The following CDK17 variants were observed in gnomAD, a reference collection of about 807,000 sequenced individuals.
CDK17 encodes the protein cyclin-dependent kinase 17.
CDK17 carries 24 observed loss-of-function variants against 77.6 expected under a neutral mutation model. The ratio of observed to expected loss-of-function variants is 0.31; its 90% CI spans 0.22 to 0.44. CDK17 has a LOEUF of 0.44. Ranked by LOEUF, CDK17 falls within the 20% of genes least tolerant of loss-of-function variation. The pLI is 1.00. For missense variants in CDK17, 429 were observed against 622.5 expected, an observed-to-expected ratio of 0.69 and a Z score of 3.31; for synonymous variants, 203 against 210.4, an observed-to-expected ratio of 0.96 and a Z score of 0.30.
At chr12:96,350,950 C>T (rs1422014354) in intron 1 of CDK17, among the ~76,000 whole-genome samples, 2 of 151,998 alleles carry the variant, frequency 1.3e-5, no homozygotes, top group Admixed American at 6.6e-5. Context: ...ATATATCTGA[C>T]AAGAGTTTAA....
chr12:96,328,897 G>C (rs1490057689), intron 2 of CDK17, among the ~76,000 whole-genome samples: 17 of 151,928 alleles, frequency 1.1e-4, no homozygotes, highest in Admixed American at 1.1e-3. Context: ...GCCCATGAGA[G>C]AGCCACAATA....
chr12:96,375,013 A>G (rs932977264), intron 1 of CDK17, among the ~76,000 whole-genome samples: 5 of 152,334 alleles, frequency 3.3e-5, no homozygotes, highest in Middle Eastern at 6.8e-3. Context: ...ACACTGGCCA[A>G]TAATCTTACT....
At chr12:96,293,577 T>G (rs1952357701) in intron 10 of CDK17, among the ~76,000 whole-genome samples, 1 of 152,334 alleles carries the variant, frequency 6.6e-6, no homozygotes, top group East Asian at 1.9e-4. Context: ...ACATCAGAAC[T>G]AGAAAGTAAG....
intron 1 of CDK17, among the ~76,000 whole-genome samples, chr12:96,362,992 C>A (rs547469511): frequency 6.6e-6 from 1 of 152,150 alleles, no homozygotes; most frequent in African/African-American, 2.4e-5. Context: ...AGACCTCACA[C>A]ATTTATTAAG....
chr12:96,302,500 T>C (rs1035634105), intron 5 of CDK17, among the ~76,000 whole-genome samples: 1 of 152,090 alleles, frequency 6.6e-6, no homozygotes, highest in African/African-American at 2.4e-5. Flanking sequence ...AAGTTTTGTG[T>C]CATCTTTTAT....
At chr12:96,332,095 T>C (rs1185826209) in intron 2 of CDK17, among the ~76,000 whole-genome samples, 1 of 152,162 alleles carries the variant, frequency 6.6e-6, no homozygotes, top group Non-Finnish European at 1.5e-5. Context: ...TACACTTAGA[T>C]ACACAAACAA....
chr12:96,328,153 T>C (rs959743555), intron 2 of CDK17, among the ~76,000 whole-genome samples: 4 of 152,114 alleles, frequency 2.6e-5, no homozygotes, highest in African/African-American at 4.8e-5. Context: ...TGTTGTGAAC[T>C]GTGCATGCGA....
At chr12:96,319,892 G>C (rs1952791446) in intron 3 of CDK17, among the ~76,000 whole-genome samples, 1 of 146,240 alleles carries the variant, frequency 6.8e-6, no homozygotes, top group Non-Finnish European at 1.5e-5. Context: ...ACTGGCACAA[G>C]ACAGGGATGC....
intron 1 of CDK17, 123 bp from the exon 2 acceptor site, chr12:96,334,988 A>G (rs755685586): frequency 2.9e-6 from 2 of 686,810 alleles, no homozygotes; most frequent in South Asian, 1.6e-5. Context: ...CACTTCTGCC[A>G]AACATCACCA....
intron 1 of CDK17, among the ~76,000 whole-genome samples, chr12:96,373,371 T>C (rs2137212027): frequency 6.6e-6 from 1 of 152,130 alleles, no homozygotes; most frequent in African/African-American, 2.4e-5. Flanking sequence ...GGCAGGCGGA[T>C]AACCTGAGGT....
chr12:96,397,854 A>G (rs985633165), intron 1 of CDK17, among the ~76,000 whole-genome samples: 4 of 152,174 alleles, frequency 2.6e-5, no homozygotes, highest in African/African-American at 9.7e-5. Flanking sequence ...AGTCTCTAAA[A>G]TGTTTTAAGT....
intron 1 of CDK17, among the ~76,000 whole-genome samples, chr12:96,343,095 T>C (rs1899044): frequency 0.22 from 32,959 of 152,170 alleles, 4,453 homozygotes; most frequent in Middle Eastern, 0.32. Flanking sequence ...AAAAATACCA[T>C]AAGAAAGACA....
At chr12:96,391,856 C>T (rs975712502) in intron 1 of CDK17, among the ~76,000 whole-genome samples, 1 of 152,166 alleles carries the variant, frequency 6.6e-6, no homozygotes, top group African/African-American at 2.4e-5. Flanking sequence ...ATTGCTCTCA[C>T]ACAAATACCA....
chr12:96,289,639 T>C (rs1406269905), intron 10 of CDK17, among the ~76,000 whole-genome samples: 2 of 152,340 alleles, frequency 1.3e-5, no homozygotes, highest in Non-Finnish European at 2.9e-5. Context: ...TAATCCATAA[T>C]AGGCCAATGA....
intron 1 of CDK17, among the ~76,000 whole-genome samples, chr12:96,345,233 G>A (rs1953186727): frequency 6.6e-6 from 1 of 152,192 alleles, no homozygotes; most frequent in African/African-American, 2.4e-5. Flanking sequence ...TATCAATGAT[G>A]GGCATTTGGG....
chr12:96,390,320 C>T (rs1376949571), intron 1 of CDK17, among the ~76,000 whole-genome samples: 2 of 150,568 alleles, frequency 1.3e-5, no homozygotes, highest in Non-Finnish European at 3.0e-5. Flanking sequence ...TTAGTAGAGA[C>T]GGGTTTCATC....
At chr12:96,309,902 T>A (rs1018249882) in intron 5 of CDK17, among the ~76,000 whole-genome samples, 1 of 152,196 alleles carries the variant, frequency 6.6e-6, no homozygotes, top group Non-Finnish European at 1.5e-5. Context: ...TACGTATAAG[T>A]TGGTACAACC....
At chr12:96,332,966 C>T (rs796617877) in intron 2 of CDK17, among the ~76,000 whole-genome samples, 64 of 152,258 alleles carry the variant, frequency 4.2e-4, no homozygotes, top group African/African-American at 1.5e-3. Flanking sequence ...TTCTTTGACT[C>T]ATATCTTTTC....
rs529056546 is a variant in CDK17, at chr12:96,343,442, T to G, written c.-29-8577A>C. 1.3e-3 allele frequency among the ~76,000 whole-genome samples: 205 copies of G among 152,280 alleles called. 1 individual carries two copies. The highest frequency in any genetic ancestry group is 4.9e-3 in the African/African-American group (202 of 41,562). Reference sequence around the variant, plus strand: ...CCTCCAAAAATTCAAGTTTGAATATTTTGGTCAGTTTGGCAGATCACTGAG... The same window carrying G: ...CCTCCAAAAATTCAAGTTTGAATATGTTGGTCAGTTTGGCAGATCACTGAG... On this transcript the variant is annotated intron_variant, in intron 1 of 16. Coordinates refer to ENST00000261211, the MANE Select transcript of CDK17 (RefSeq NM_002595.5).
Sources: allele counts gnomAD v4.1 joint callset (sites outside exome capture counted in the v4.1 genomes callset), GRCh38; gene constraint gnomAD v4.1.1; transcripts MANE v1.5; gene names NCBI Gene and HGNC (gene_info 2026-07-23, HGNC 2026-07-21).